BTBD9: variants seen among roughly 807,000 people sequenced by gnomAD.
The protein encoded by BTBD9 is BTB/POZ domain-containing protein 9.
BTBD9 carries 49 observed loss-of-function variants against 64.3 expected under a neutral mutation model. That is an observed-to-expected ratio of 0.76 (90% CI 0.61 to 0.97). The LOEUF (loss-of-function observed/expected upper bound fraction) is 0.97. Among genes scored for constraint, BTBD9 ranks in the 50% least tolerant of loss-of-function variants. BTBD9 has a pLI of 0.00. For synonymous variants in BTBD9, 260 were observed against 274.7 expected, an observed-to-expected ratio of 0.95 and a Z score of 0.53; for missense variants, 598 against 762.1, an observed-to-expected ratio of 0.78 and a Z score of 2.53.
At chr6:38,369,372 T>C (rs1765322974) in intron 6 of BTBD9, among the ~76,000 whole-genome samples, 1 of 152,226 alleles carries the variant, frequency 6.6e-6, no homozygotes, top group Non-Finnish European at 1.5e-5. Context: ...TAAAATTGCC[T>C]TCCTAGATTC....
chr6:38,266,356 C>T (rs1346682494), intron 8 of BTBD9, among the ~76,000 whole-genome samples: 10 of 151,906 alleles, frequency 6.6e-5, no homozygotes, highest in South Asian at 2.1e-4. Flanking sequence ...GTGGATCACC[C>T]GAGGTCAGGA....
chr6:38,389,193 T>C (rs1766306925), intron 6 of BTBD9, among the ~76,000 whole-genome samples: 1 of 152,216 alleles, frequency 6.6e-6, no homozygotes, highest in African/African-American at 2.4e-5. Context: ...CAAATTTCTT[T>C]CTACTTACCC....
intron 6 of BTBD9, among the ~76,000 whole-genome samples, chr6:38,522,408 C>T (rs1773312226): frequency 6.6e-6 from 1 of 152,070 alleles, no homozygotes; most frequent in African/African-American, 2.4e-5. Context: ...TACTAATGGC[C>T]TTCTTATTGC....
intron 1 of BTBD9, among the ~76,000 whole-genome samples, chr6:38,620,441 G>A (rs1413442897): frequency 1.3e-5 from 2 of 152,172 alleles, no homozygotes; most frequent in Non-Finnish European, 2.9e-5. Context: ...TTTGCCTCAA[G>A]GGTTTAGGGA....
rs1161865579 is a variant in BTBD9 at position 38,171,790 on chromosome 6, G to A, written c.*3195C>T. The A allele has an allele frequency of 1.5e-5, 2 of 137,442 alleles. No homozygotes were observed. Among genetic ancestry groups the A allele is most frequent in the Non-Finnish European group, 3.0e-5 (2 of 66,470 alleles). 8.5% of individuals were successfully genotyped at this position (137,442 alleles called of 1,614,324 possible). A position where few individuals can be genotyped will look rare whatever the true frequency, so the allele number is the denominator to read the frequency against. ...ATGACCCTCCCCAGAGCTGCCAGAA[G>A]GTGACTTTGAAGGCTTTTTTCCCCA... On this transcript the variant is annotated 3_prime_UTR_variant, in exon 11 of 11. Transcript: ENST00000481247.
chr6:38,634,104 A>C (rs538813281), intron 1 of BTBD9, among the ~76,000 whole-genome samples: 16 of 152,360 alleles, frequency 1.1e-4, no homozygotes, highest in Non-Finnish European at 1.8e-4. Flanking sequence ...TAAATGAGAG[A>C]GAACAAGCAC....
chr6:38,391,561 C>A (rs1413656852), intron 6 of BTBD9, among the ~76,000 whole-genome samples: 1 of 151,832 alleles, frequency 6.6e-6, no homozygotes, highest in Non-Finnish European at 1.5e-5. Flanking sequence ...ATGATTAATT[C>A]TCTTTTAACT....
intron 6 of BTBD9, among the ~76,000 whole-genome samples, chr6:38,526,423 G>A (rs1773495498): frequency 6.6e-6 from 1 of 152,244 alleles, no homozygotes; most frequent in Admixed American, 6.5e-5. Flanking sequence ...TGGAGAACCT[G>A]TACTAGGGCA....
chr6:38,325,674 G>A (rs959980967), intron 7 of BTBD9, among the ~76,000 whole-genome samples: 5 of 152,160 alleles, frequency 3.3e-5, no homozygotes, highest in African/African-American at 1.2e-4. Context: ...AACAGAGCAA[G>A]ACTCCGTCTC....
chr6:38,326,592 C>T (rs1214012601), intron 7 of BTBD9, among the ~76,000 whole-genome samples: 1 of 152,072 alleles, frequency 6.6e-6, no homozygotes, highest in African/African-American at 2.4e-5. Flanking sequence ...ACAGATTTGT[C>T]ATTTGGAATA....
intron 6 of BTBD9, among the ~76,000 whole-genome samples, chr6:38,416,427 C>T (rs775457050): frequency 7.3e-5 from 11 of 151,124 alleles, no homozygotes; most frequent in East Asian, 1.9e-4. Flanking sequence ...CTCCGTCTCC[C>T]GGGTTCACGC....
intron 6 of BTBD9, among the ~76,000 whole-genome samples, chr6:38,518,178 G>A (rs754501839): frequency 7.3e-5 from 11 of 151,156 alleles, no homozygotes; most frequent in African/African-American, 2.2e-4. Context: ...CCCCACCCCC[G>A]AACCAACTTC....
intron 6 of BTBD9, among the ~76,000 whole-genome samples, chr6:38,463,546 T>C (rs1770201640): frequency 6.6e-6 from 1 of 152,238 alleles, no homozygotes; most frequent in African/African-American, 2.4e-5. Flanking sequence ...GAAGTTTTCT[T>C]ATGCTTCTAG....
chr6:38,254,938 T>C (rs572571910), intron 9 of BTBD9, among the ~76,000 whole-genome samples: 1 of 152,314 alleles, frequency 6.6e-6, no homozygotes, highest in Non-Finnish European at 1.5e-5. Flanking sequence ...TGAAAATATA[T>C]GTTCACATAA....
intron 9 of BTBD9, among the ~76,000 whole-genome samples, chr6:38,223,129 A>G (rs1763273499): frequency 6.6e-6 from 1 of 151,718 alleles, no homozygotes; most frequent in Admixed American, 6.6e-5. Flanking sequence ...CTGGTCTTGA[A>G]CTCCTGACCT....
intron 1 of BTBD9, among the ~76,000 whole-genome samples, chr6:38,619,172 T>G (rs1163758824): frequency 6.6e-6 from 1 of 152,150 alleles, no homozygotes; most frequent in Non-Finnish European, 1.5e-5. Context: ...CAATTGATCC[T>G]AAAAGATAAG....
At chr6:38,538,311 T>C (rs1240417559) in intron 6 of BTBD9, among the ~76,000 whole-genome samples, 1 of 151,984 alleles carries the variant, frequency 6.6e-6, no homozygotes, top group Non-Finnish European at 1.5e-5. Context: ...GCAAATTACT[T>C]TGGGGAAATT....
intron 10 of BTBD9, 55 bp downstream of exon 10, chr6:38,192,464 A>AT: frequency 4.8e-6 from 7 of 1,468,776 alleles, no homozygotes; most frequent in Non-Finnish European, 6.7e-6. Context: ...AGGATGTAGC[A>AT]TTTACCTGTA....
chr6:38,546,162 C>T (rs1337826612), intron 6 of BTBD9, among the ~76,000 whole-genome samples: 7 of 152,310 alleles, frequency 4.6e-5, no homozygotes, highest in Middle Eastern at 6.8e-3. Context: ...TTTCTCTTTC[C>T]TGATATAGGC....
Sources: allele counts gnomAD v4.1 joint callset (sites outside exome capture counted in the v4.1 genomes callset), GRCh38; gene constraint gnomAD v4.1.1; transcripts MANE v1.5; gene names NCBI Gene and HGNC (gene_info 2026-07-23, HGNC 2026-07-21).